Variants in ACOT11 observed in about 807,000 individuals in gnomAD.
The protein encoded by ACOT11 is acyl-coenzyme A thioesterase 11.
In ACOT11, 69 loss-of-function variants were observed where a neutral mutation model predicts 77.5. The observed-to-expected ratio is 0.89, with a 90% CI of 0.73 to 1.09. The LOEUF is 1.09. Ranked by LOEUF, ACOT11 falls within the 50% of genes least tolerant of loss-of-function variation. ACOT11 has a pLI of 0.00. For missense variants in ACOT11, 766 were observed against 813.7 expected, an observed-to-expected ratio of 0.94 and a Z score of 0.71; for synonymous variants, 279 against 313.0, an observed-to-expected ratio of 0.89 and a Z score of 1.15.
intron 1 of ACOT11, 179 bp downstream of exon 1, chr1:54,548,521 A>C (rs1203646321): frequency 9.8e-6 from 8 of 820,000 alleles, no homozygotes; most frequent in Non-Finnish European, 1.5e-5. Flanking sequence ...TATCAGCAGC[A>C]ATCTCCAAAC....
In ACOT11 at chr1:54,604,343, C is replaced by A; in HGVS notation, c.1153-3C>A. ...TAGTGGTAGCACCTGTGTACTCTTT[C>A]AGGTGTACCTGAGCTACAATAACGT... On this transcript the variant is annotated splice_polypyrimidine_tract_variant and splice_region_variant and intron_variant, in intron 11 of 15. Transcript: ENST00000343744. 6.2e-7 allele frequency: 1 copy of A among 1,613,696 alleles called. No individual in the cohort carries two copies. Among genetic ancestry groups the A allele is most frequent in the Non-Finnish European group, 8.5e-7 (1 of 1,179,792 alleles).
chr1:54,601,116 C>CGTGTGTGT (rs1557663072), intron 8 of ACOT11, among the ~76,000 whole-genome samples, 153 bp from the exon 9 acceptor site: 27 of 150,576 alleles, frequency 1.8e-4, no homozygotes, highest in Non-Finnish European at 3.1e-4. Flanking sequence ...TGTGTGCATA[C>CGTGTGTGT]ATGTGTGTGT....
At chr1:54,602,864 T>G in intron 10 of ACOT11, 140 bp downstream of exon 10, 1 of 943,040 alleles carries the variant, frequency 1.1e-6, no homozygotes, top group Non-Finnish European at 1.5e-6. Flanking sequence ...CGTTTTGGTC[T>G]TATTACACAG....
chr1:54,608,477 T>TC (rs1181278778), intron 15 of ACOT11, among the ~76,000 whole-genome samples: 1 of 151,694 alleles, frequency 6.6e-6, no homozygotes, highest in Non-Finnish European at 1.5e-5. Context: ...TACTGCAGCC[T>TC]CCCCCCTCAC....
chr1:54,611,707 A>G (rs1260531162), downstream of ACOT11: 2 of 1,614,078 alleles, frequency 1.2e-6, no homozygotes, highest in African/African-American at 1.3e-5. Context: ...TTCCACCGAC[A>G]TGGGGTCCGA....
chr1:54,607,366 T>C lies in ACOT11; in HGVS notation c.1502+101T>C. Reference sequence around the variant, plus strand: ...AAGGGCATCAGCCTGGAGCCAGAGCTCTGCTTCCCATTGGCTGTGGGGCCC... The same window carrying C: ...AAGGGCATCAGCCTGGAGCCAGAGCCCTGCTTCCCATTGGCTGTGGGGCCC... On this transcript the variant is annotated intron_variant, in intron 14 of 15. Transcript: ENST00000343744. The surrounding 1 kb of genome is among the most constrained non-coding windows in gnomAD (Gnocchi z 4.5). The C allele has an allele frequency of 6.4e-7, 1 of 1,554,222 alleles. No homozygotes were observed. The highest frequency in any genetic ancestry group is 8.7e-7 in the Non-Finnish European group (1 of 1,145,284).
intron 1 of ACOT11, among the ~76,000 whole-genome samples, chr1:54,566,318 A>G (rs1463277645): frequency 1.3e-5 from 2 of 152,042 alleles, no homozygotes; most frequent in African/African-American, 4.8e-5. Context: ...TTAGCTGGGC[A>G]TGGTGGCGCG....
intron 9 of ACOT11, among the ~76,000 whole-genome samples, chr1:54,601,906 ACAGT>A (rs1439218784): frequency 6.6e-6 from 1 of 152,220 alleles, no homozygotes; most frequent in Non-Finnish European, 1.5e-5. Context: ...GCACGGGAAG[ACAGT>A]CAGGAGCCTG....
At chr1:54,560,259 G>T (rs896040498) in intron 1 of ACOT11, among the ~76,000 whole-genome samples, 1 of 152,194 alleles carries the variant, frequency 6.6e-6, no homozygotes, top group African/African-American at 2.4e-5. Context: ...CAGCCCAGTG[G>T]TCAGGGTGGG....
chr1:54,627,244 A>G (rs1458674401), intron 15 of ACOT11, among the ~76,000 whole-genome samples: 2 of 132,958 alleles, frequency 1.5e-5, no homozygotes, highest in Non-Finnish European at 3.4e-5. Context: ...TGTCATTCCA[A>G]CTCCGCGGGC....
At chr1:54,587,491 A>C (rs1389243365) in intron 3 of ACOT11, among the ~76,000 whole-genome samples, 1 of 149,362 alleles carries the variant, frequency 6.7e-6, no homozygotes, top group Non-Finnish European at 1.5e-5. Flanking sequence ...CCAGCCTGCC[A>C]ACCTGGGCAA....
intron 13 of ACOT11, among the ~76,000 whole-genome samples, 164 bp from the exon 14 acceptor site, chr1:54,606,970 T>C (rs1644033439): frequency 6.6e-6 from 1 of 152,254 alleles, no homozygotes; most frequent in African/African-American, 2.4e-5. Context: ...CCATCTTGGC[T>C]GGGCTTTGCT....
chr1:54,602,762 G>C (rs144440377), intron 10 of ACOT11, 38 bp downstream of exon 10: 1 of 1,497,410 alleles, frequency 6.7e-7, no homozygotes, highest in Admixed American at 2.5e-5. Flanking sequence ...ATGTGGATTC[G>C]GGGCTGTTCA....
chr1:54,576,161 G>C (rs537066498), intron 1 of ACOT11, among the ~76,000 whole-genome samples: 1 of 152,314 alleles, frequency 6.6e-6, no homozygotes, highest in Admixed American at 6.5e-5. Context: ...GGGAGAGGAA[G>C]AAACTACATT....
intron 1 of ACOT11, among the ~76,000 whole-genome samples, chr1:54,563,163 GTA>G (rs1653611151): frequency 6.6e-6 from 1 of 152,258 alleles, no homozygotes; most frequent in African/African-American, 2.4e-5. Flanking sequence ...TTTTAAAAAT[GTA>G]TTCTAGAGAT....
chr1:54,564,531 G>A (rs1653668828), intron 1 of ACOT11, among the ~76,000 whole-genome samples: 1 of 152,272 alleles, frequency 6.6e-6, no homozygotes, highest in Admixed American at 6.5e-5. Context: ...GTGAGAGGTC[G>A]GAAGGGGAGT....
At chr1:54,563,368 G>C (rs140855404) in intron 1 of ACOT11, among the ~76,000 whole-genome samples, 1 of 152,206 alleles carries the variant, frequency 6.6e-6, no homozygotes, top group Non-Finnish European at 1.5e-5. Context: ...ATCGCTCACC[G>C]GCAGAGTGCC....
At chr1:54,549,862 G>T (rs571289098) in intron 1 of ACOT11, among the ~76,000 whole-genome samples, 2 of 152,300 alleles carry the variant, frequency 1.3e-5, no homozygotes, top group Non-Finnish European at 2.9e-5. Context: ...GGGGCTCCTC[G>T]TATCTTCTCT....
exon 17 of ACOT11, chr1:54,639,108 T>C (rs1644346633): frequency 6.7e-6 from 1 of 148,228 alleles, no homozygotes; most frequent in Non-Finnish European, 1.5e-5. Flanking sequence ...GTGGGAGGAT[T>C]GCTTGAGTCC....
Sources: gnomAD v4.1 joint callset for allele counts (sites outside exome capture counted in the v4.1 genomes callset) on GRCh38, gnomAD v4.1.1 for gene constraint, Gnocchi (gnomAD v3.1) non-coding constraint, MANE v1.5 for transcripts, NCBI Gene and HGNC (gene_info 2026-07-23, HGNC 2026-07-21) for gene names.